Variants in DGKB observed in about 807,000 individuals in gnomAD.
DGKB encodes diacylglycerol kinase beta.
Under a neutral mutation model 114.3 loss-of-function variants are expected in DGKB, and 67 were observed. That is an observed-to-expected ratio of 0.59 (90% confidence interval 0.48 to 0.72). The LOEUF is 0.72. Ranked by LOEUF, DGKB falls within the 30% of genes least tolerant of loss-of-function variation. The pLI is 0.00. For missense variants in DGKB, 907 were observed against 975.2 expected (o/e 0.93, Z 0.93); for synonymous variants, 398 against 323.1 (o/e 1.23, Z -2.49).
At chr7:14,331,998 A>T (rs1256857727) in intron 23 of DGKB, among the ~76,000 whole-genome samples, 1 of 152,232 alleles carries the variant, frequency 6.6e-6, no homozygotes, top group East Asian at 1.9e-4. Flanking sequence ...TTCTGGGGGA[A>T]ATAATACATA....
chr7:14,491,273 A>ATGGTTTTTTAAGGGGAAACTCCTT (rs1322712166), intron 20 of DGKB, among the ~76,000 whole-genome samples: 18 of 152,064 alleles, frequency 1.2e-4, no homozygotes, highest in Non-Finnish European at 2.5e-4. Flanking sequence ...ATGAGATCTG[A>ATGGTTTTTTAAGGGGAAACTCCTT]TGGTTTTTTA....
chr7:14,730,900 G>T (rs538636142), intron 5 of DGKB, among the ~76,000 whole-genome samples: 1 of 152,164 alleles, frequency 6.6e-6, no homozygotes, highest in Non-Finnish European at 1.5e-5. Context: ...GACAGTGAAG[G>T]CCTGAAATTT....
intron 1 of DGKB, among the ~76,000 whole-genome samples, chr7:14,966,266 G>C (rs1416121515): frequency 1.3e-5 from 2 of 151,984 alleles, no homozygotes; most frequent in East Asian, 3.9e-4. Flanking sequence ...CCAGTCTTAA[G>C]AGGCTTTTTT....
intron 17 of DGKB, among the ~76,000 whole-genome samples, chr7:14,600,325 G>C (rs895000424): frequency 6.6e-6 from 1 of 152,128 alleles, no homozygotes; most frequent in South Asian, 2.1e-4. Context: ...TGGTGATTAA[G>C]GTTCAATATA....
chr7:14,465,749 T>G (rs969207891), intron 21 of DGKB, among the ~76,000 whole-genome samples: 1 of 152,058 alleles, frequency 6.6e-6, no homozygotes, highest in Non-Finnish European at 1.5e-5. Flanking sequence ...ATTATAAATA[T>G]CTGGGGGAAA....
At position 14,181,994 on chromosome 7, in the gene DGKB, G is replaced by A. The variant is rs1307825942; in HGVS notation, c.2123-3843C>T. On this transcript the variant is annotated intron_variant, in intron 23 of 25. Coordinates refer to ENST00000402815, the MANE Select transcript of DGKB (RefSeq NM_001350709.2). ...TCAAGATTCTTAACACATGGTCTGT[G>A]AATCTGAATAGGAAAAATGCAACTT... Among the ~76,000 whole-genome samples, 3 of 152,222 alleles carry A rather than the reference G, an allele frequency of 2.0e-5. No homozygotes were observed. The South Asian group carries it at 6.2e-4, about 32-fold the overall frequency.
At chr7:14,270,391 T>C (rs1449750429) in intron 23 of DGKB, among the ~76,000 whole-genome samples, 1 of 152,178 alleles carries the variant, frequency 6.6e-6, no homozygotes, top group Non-Finnish European at 1.5e-5. Flanking sequence ...TGTTAGCTTC[T>C]AAGTCACTGG....
At chr7:14,254,559 A>T (rs939334399) in intron 23 of DGKB, among the ~76,000 whole-genome samples, 1 of 151,876 alleles carries the variant, frequency 6.6e-6, no homozygotes, top group African/African-American at 2.4e-5. Context: ...AACCATATGC[A>T]TGTTAATTAG....
At chr7:14,609,424 C>A (rs1277976263) in intron 16 of DGKB, among the ~76,000 whole-genome samples, 2 of 151,978 alleles carry the variant, frequency 1.3e-5, no homozygotes, top group East Asian at 3.9e-4. Flanking sequence ...TGTAAGATCC[C>A]AAGCTATATT....
chr7:14,296,900 A>G (rs1157922865), intron 23 of DGKB, among the ~76,000 whole-genome samples: 5 of 152,088 alleles, frequency 3.3e-5, no homozygotes, highest in Non-Finnish European at 7.4e-5. Context: ...CAGAAATACA[A>G]ACTACCATCG....
At chr7:14,569,181 T>C (rs561518503) in intron 20 of DGKB, among the ~76,000 whole-genome samples, 2 of 152,294 alleles carry the variant, frequency 1.3e-5, no homozygotes, top group East Asian at 1.9e-4. Context: ...TCCCTGAGCA[T>C]TGAGATTTTG....
At chr7:14,510,591 TC>T (rs1787839464) in intron 20 of DGKB, among the ~76,000 whole-genome samples, 1 of 152,104 alleles carries the variant, frequency 6.6e-6, no homozygotes, top group Admixed American at 6.6e-5. Context: ...GGCATCAACT[TC>T]TTACAAACTC....
At chr7:14,429,599 C>G (rs1828112290) in intron 21 of DGKB, among the ~76,000 whole-genome samples, 1 of 152,166 alleles carries the variant, frequency 6.6e-6, no homozygotes. Flanking sequence ...ACTCTGCGCC[C>G]TTTCCACTTT....
chr7:14,335,340 T>C (rs903432452), intron 23 of DGKB, among the ~76,000 whole-genome samples: 1 of 152,158 alleles, frequency 6.6e-6, no homozygotes, highest in Non-Finnish European at 1.5e-5. Context: ...TTTTATTAAA[T>C]AAAATAATTA....
chr7:14,700,418 T>C (rs765153434), intron 7 of DGKB, among the ~76,000 whole-genome samples: 5 of 152,122 alleles, frequency 3.3e-5, no homozygotes, highest in Non-Finnish European at 7.4e-5. Flanking sequence ...TTCACCATGT[T>C]GGCCAGCTGG....
intron 6 of DGKB, among the ~76,000 whole-genome samples, chr7:14,703,578 T>C (rs1825601449): frequency 6.6e-6 from 1 of 152,212 alleles, no homozygotes; most frequent in African/African-American, 2.4e-5. Flanking sequence ...TCCCAGGTTA[T>C]CAATCAGATG....
chr7:14,904,145 C>T (rs1783522926), upstream of DGKB, among the ~76,000 whole-genome samples: 1 of 152,086 alleles, frequency 6.6e-6, no homozygotes, highest in East Asian at 1.9e-4. Flanking sequence ...TTACTAGTAA[C>T]ATTTGCTCTA....
chr7:14,590,927 G>A (rs1039998482), intron 17 of DGKB, among the ~76,000 whole-genome samples: 1 of 152,084 alleles, frequency 6.6e-6, no homozygotes, highest in Non-Finnish European at 1.5e-5. Context: ...TGTTCTGGCA[G>A]AATAGTCACA....
At chr7:14,929,020 T>TAC (rs1206456337) in intron 1 of DGKB, among the ~76,000 whole-genome samples, 2 of 123,102 alleles carry the variant, frequency 1.6e-5, no homozygotes, top group Non-Finnish European at 1.7e-5. Context: ...CTGCATTGTG[T>TAC]ATACACACAC....
Sources: allele counts gnomAD v4.1 joint callset (sites outside exome capture counted in the v4.1 genomes callset), GRCh38; gene constraint gnomAD v4.1.1; transcripts MANE v1.5; gene names NCBI Gene and HGNC (gene_info 2026-07-23, HGNC 2026-07-21).